DMD: variants seen among roughly 807,000 people sequenced by gnomAD.
The protein encoded by DMD is mutant dystrophin.
In DMD, 63 loss-of-function variants were observed where a neutral mutation model predicts 330.1. The observed-to-expected ratio is 0.19, with a 90% CI of 0.16 to 0.24. DMD has a LOEUF of 0.24. Among genes scored for constraint, DMD ranks in the 10% least tolerant of loss-of-function variants. The pLI is 1.00. For missense variants in DMD, 3,344 were observed against 2,684.1 expected, an observed-to-expected ratio of 1.25 and a Z score of -5.43; for synonymous variants, 1,223 against 959.8, an observed-to-expected ratio of 1.27 and a Z score of -5.07.
intron 55 of DMD, among the ~76,000 whole-genome samples, chrX:31,531,770 G>C (rs184051108): frequency 0.019 from 2,004 of 107,092 alleles, 80 homozygotes; most frequent in Admixed American, 0.12. Context: ...CTAGAATAAC[G>C]AATACAGAGA....
chrX:32,633,530 T>C (rs758323711), intron 11 of DMD, among the ~76,000 whole-genome samples: 13 of 112,197 alleles, frequency 1.2e-4, no homozygotes, highest in Non-Finnish European at 2.1e-4. Flanking sequence ...TGTTACCCAA[T>C]TTCAAAGCAG....
intron 2 of DMD, among the ~76,000 whole-genome samples, chrX:32,869,298 A>G (rs2082763167): frequency 9.0e-6 from 1 of 111,445 alleles, no homozygotes; most frequent in Non-Finnish European, 1.9e-5. Context: ...GATGAGAATC[A>G]AAAAACAAAA....
Position 32,308,571 on chromosome X carries a change from T to C in DMD, c.6117+1511A>G, listed in dbSNP as rs755442911. The stretch of plus-strand genomic sequence containing the variant: ...GAATCATGCCCACAACTGTATCTTA[T>C]GGGGATTCAACCATTTAGCTAAATT... On this transcript the variant is annotated intron_variant, in intron 42 of 78. Coordinates refer to ENST00000357033, the MANE Select transcript of DMD (RefSeq NM_004006.3). 2.7e-5 allele frequency among the ~76,000 whole-genome samples: 3 copies of C among 111,261 alleles called. No homozygotes were observed. The East Asian group carries it at 8.5e-4, about 32-fold the overall frequency.
chrX:32,454,602 T>G, intron 26 of DMD, 60 bp downstream of exon 26: 4 of 973,989 alleles, frequency 4.1e-6, no homozygotes, highest in Non-Finnish European at 5.7e-6. Flanking sequence ...CATTGTTGCA[T>G]TTCTTTCTTT....
In DMD at chrX:31,448,081, T is replaced by C. The variant is rs776044902; in HGVS notation, c.8938-3454A>G. Among the ~76,000 whole-genome samples the C allele has an allele frequency of 3.7e-5, 4 of 109,242 alleles. No individual in the cohort carries two copies. The South Asian group carries it at 1.6e-3, about 43-fold the overall frequency. 94.9% of individuals were successfully genotyped at this position (109,242 alleles called of 115,157 possible). A position where few individuals can be genotyped will look rare whatever the true frequency, so the allele number is the denominator to read the frequency against. On this transcript the variant is annotated intron_variant, in intron 59 of 78. Transcript: ENST00000357033. ...TTAATCTGAATTCCTAAATTTCTGT[T>C]AAAATATTTGACAATGGAAGCTTTG...
chrX:31,201,605 T>C (rs1246607661), intron 67 of DMD, among the ~76,000 whole-genome samples: 1 of 111,975 alleles, frequency 8.9e-6, no homozygotes, highest in East Asian at 2.8e-4. Flanking sequence ...GTTGGTCTCC[T>C]GATAAGGGGG....
chrX:32,163,435 C>T (rs896351090), intron 44 of DMD, among the ~76,000 whole-genome samples: 4 of 112,184 alleles, frequency 3.6e-5, no homozygotes, highest in Non-Finnish European at 7.5e-5. Flanking sequence ...CTTGAAAAGA[C>T]AAAATCATAG....
chrX:32,377,470 T>C (rs889650974), intron 34 of DMD, among the ~76,000 whole-genome samples: 3 of 111,742 alleles, frequency 2.7e-5, no homozygotes, highest in African/African-American at 9.7e-5. Context: ...CCAATTTCTC[T>C]GTGACTGGTT....
intron 9 of DMD, among the ~76,000 whole-genome samples, chrX:32,689,664 G>A (rs767438925): frequency 9.1e-6 from 1 of 110,298 alleles, no homozygotes; most frequent in South Asian, 3.8e-4. Context: ...CAAAATTCTG[G>A]CAAATTTTAA....
chrX:32,974,318 G>C (rs2092475202), intron 2 of DMD, among the ~76,000 whole-genome samples: 1 of 110,755 alleles, frequency 9.0e-6, no homozygotes, highest in Non-Finnish European at 1.9e-5. Context: ...ACTGCTAATG[G>C]GCATACAGTT....
intron 41 of DMD, among the ~76,000 whole-genome samples, chrX:32,310,743 A>G (rs1402410252): frequency 9.0e-6 from 1 of 110,644 alleles, no homozygotes; most frequent in Non-Finnish European, 1.9e-5. Context: ...TCACTGAGAT[A>G]CAACAGATAC....
chrX:32,121,910 C>G (rs1489622828), intron 44 of DMD, among the ~76,000 whole-genome samples: 1 of 108,992 alleles, frequency 9.2e-6, no homozygotes. Context: ...GATTTTTGTC[C>G]AACCACTACA....
intron 44 of DMD, among the ~76,000 whole-genome samples, chrX:31,979,874 C>G (rs995251478): frequency 1.8e-5 from 2 of 112,197 alleles, no homozygotes; most frequent in African/African-American, 6.5e-5. Context: ...TATTTTCACC[C>G]AATAATCATA....
In DMD at chrX:32,686,602, G is replaced by A. The variant is rs968332046; in HGVS notation, c.960+11268C>T. Among the ~76,000 whole-genome samples the A allele has an allele frequency of 8.9e-3, 698 of 78,709 alleles. 1 individual carries two copies. The highest frequency in any genetic ancestry group is 0.014 in the Middle Eastern group (2 of 139). The allele number at this position is 78,709 out of a possible 115,157, so 68.3% of individuals were successfully genotyped here. Reference sequence around the variant, plus strand: ...AAAAAAGAAAAGAAAAGAAAAGAAAGAAATGTATCTAAGTTTTCATTTTCA... The same window carrying A: ...AAAAAAGAAAAGAAAAGAAAAGAAAAAAATGTATCTAAGTTTTCATTTTCA... On this transcript the variant is annotated intron_variant, in intron 9 of 78. Transcript: ENST00000357033.
intron 1 of DMD, among the ~76,000 whole-genome samples, chrX:33,048,694 TAAAAAAA>T (rs748856962): frequency 5.6e-5 from 2 of 35,618 alleles, no homozygotes; most frequent in African/African-American, 1.4e-4. Flanking sequence ...ACTCCCCATC[TAAAAAAA>T]AAAAAAAAAA....
chrX:32,635,433 C>T (rs2059031817), intron 11 of DMD, among the ~76,000 whole-genome samples: 1 of 111,622 alleles, frequency 9.0e-6, no homozygotes, highest in Admixed American at 9.5e-5. Context: ...TTCTCCACCT[C>T]CTCCACAATA....
At chrX:32,662,536 G>A (rs1362573841) in intron 9 of DMD, among the ~76,000 whole-genome samples, 1 of 111,798 alleles carries the variant, frequency 8.9e-6, no homozygotes, top group African/African-American at 3.2e-5. Context: ...AAAGGATTGT[G>A]ATTGCCTTGT....
At chrX:32,638,244 G>A (rs1194242574) in intron 11 of DMD, among the ~76,000 whole-genome samples, 1 of 111,370 alleles carries the variant, frequency 9.0e-6, no homozygotes, top group Non-Finnish European at 1.9e-5. Flanking sequence ...AATCACCCAT[G>A]GGGTATGATA....
chrX:32,247,957 C>T (rs758729982), intron 43 of DMD, among the ~76,000 whole-genome samples: 34 of 111,372 alleles, frequency 3.1e-4, no homozygotes, highest in African/African-American at 1.1e-3. Flanking sequence ...AGAAATTAGC[C>T]AAGTCTGCTA....
Sources: allele counts gnomAD v4.1 joint callset (sites outside exome capture counted in the v4.1 genomes callset), GRCh38; gene constraint gnomAD v4.1.1; transcripts MANE v1.5; gene names NCBI Gene and HGNC (gene_info 2026-07-23, HGNC 2026-07-21).